Variants in DLEU7 observed in about 807,000 individuals in gnomAD.
DLEU7 encodes the protein deleted in lymphocytic leukemia 7, also known as leukemia-associated protein 7.
Under a neutral mutation model 16.0 loss-of-function variants are expected in DLEU7, and 17 were observed. That is an observed-to-expected ratio of 1.06 (90% confidence interval 0.73 to 1.59). DLEU7 has a LOEUF of 1.59. Ranked by LOEUF, DLEU7 falls within the 40% of genes most tolerant of loss-of-function variation. The pLI is 0.00. For missense variants in DLEU7, 308 were observed against 314.9 expected (o/e 0.98, Z 0.17); for synonymous variants, 113 against 139.8 (o/e 0.81, Z 1.35).
At chr13:50,713,921 T>C (rs1351099878) in intron 1 of DLEU7, among the ~76,000 whole-genome samples, 1 of 152,196 alleles carries the variant, frequency 6.6e-6, no homozygotes, top group Non-Finnish European at 1.5e-5. Flanking sequence ...TCTGCCCGCA[T>C]GTGGCCTCCC....
chr13:50,821,111 G>A (rs75206166), downstream of DLEU7, among the ~76,000 whole-genome samples: 1,788 of 152,162 alleles, frequency 0.012, 39 homozygotes, highest in African/African-American at 0.038. Context: ...TGGGAGCCAC[G>A]AGCTGAAGTG....
At chr13:50,716,737 T>C (rs1873449350) in intron 1 of DLEU7, among the ~76,000 whole-genome samples, 2 of 152,262 alleles carry the variant, frequency 1.3e-5, no homozygotes, top group Non-Finnish European at 2.9e-5. Flanking sequence ...GTAATCTGTA[T>C]ATGTAATAAG....
At position 50,809,122 on chromosome 13, in the gene DLEU7, A is replaced by G. The variant is rs562697212; in HGVS notation, c.459+34066T>C. Among the ~76,000 whole-genome samples, 38 of 152,310 alleles carry G rather than the reference A, an allele frequency of 2.5e-4. No homozygotes were observed. In the South Asian group the frequency reaches 7.7e-3, roughly 31 times the overall value. ...ATGATAATAGCAACTTGGTGGAGTTATCTAAAGTTTGACAACCTTTCCTCA... is the reference window on the plus strand; with the variant it reads ...ATGATAATAGCAACTTGGTGGAGTTGTCTAAAGTTTGACAACCTTTCCTCA... On this transcript the variant is annotated intron_variant, in intron 1 of 1. Transcript: ENST00000400393.
Position 50,753,653 on chromosome 13 carries a change from A to AC in DLEU7, c.460-40414dup, listed in dbSNP as rs141715298. Among the ~76,000 whole-genome samples the AC allele has an allele frequency of 7.9e-3, 1,200 of 152,114 alleles. 9 individuals are homozygous for AC. The highest frequency in any genetic ancestry group is 0.014 in the Non-Finnish European group (941 of 67,916). ...CCGGAACTCGCACTGGCCCGCAAGC[A>AC]CCGTGCGCAGCCCCAGTTCCCACTC... On this transcript the variant is annotated intron_variant, in intron 1 of 1. Transcript: ENST00000400393.
intron 1 of DLEU7, among the ~76,000 whole-genome samples, chr13:50,719,228 G>A (rs1459006367): frequency 6.6e-6 from 1 of 152,166 alleles, no homozygotes; most frequent in Admixed American, 6.5e-5. Flanking sequence ...TCTAGAAAGT[G>A]CCTATATAGT....
At chr13:50,770,712 G>A (rs111919388) in intron 1 of DLEU7, among the ~76,000 whole-genome samples, 1 of 152,264 alleles carries the variant, frequency 6.6e-6, no homozygotes, top group African/African-American at 2.4e-5. Context: ...ATGTTCATCA[G>A]GGATATTGGT....
intron 1 of DLEU7, among the ~76,000 whole-genome samples, chr13:50,716,960 A>G (rs1189991417): frequency 1.3e-5 from 2 of 152,196 alleles, no homozygotes; most frequent in African/African-American, 2.4e-5. Context: ...AATTAATACT[A>G]TATATACACA....
At chr13:50,819,800 A>T (rs1876842435), downstream of DLEU7, among the ~76,000 whole-genome samples, 1 of 152,148 alleles carries the variant, frequency 6.6e-6, no homozygotes, top group Non-Finnish European at 1.5e-5. Context: ...CCAAGTAGAG[A>T]TATTCTGTAG....
chr13:50,771,208 A>G (rs1219860535), intron 1 of DLEU7, among the ~76,000 whole-genome samples: 1 of 152,106 alleles, frequency 6.6e-6, no homozygotes, highest in Non-Finnish European at 1.5e-5. Context: ...TCTTTTCAAA[A>G]AACCAGCTCC....
intron 1 of DLEU7, among the ~76,000 whole-genome samples, chr13:50,758,025 A>ATTTTTTTTTTTTTTTTTTTTTTTTTT (rs5803530): frequency 1.1e-5 from 1 of 89,110 alleles, no homozygotes; most frequent in Non-Finnish European, 2.1e-5. Context: ...CATTACCAAG[A>ATTTTTTTTTTTTTTTTTTTTTTTTTT]TTTTTTTTTT....
intron 1 of DLEU7, among the ~76,000 whole-genome samples, chr13:50,797,052 G>C (rs1876127132): frequency 6.6e-6 from 1 of 152,162 alleles, no homozygotes; most frequent in Non-Finnish European, 1.5e-5. Context: ...ATGTATCACA[G>C]GTTTTGAAAC....
intron 1 of DLEU7, among the ~76,000 whole-genome samples, chr13:50,750,557 C>T (rs1874532397): frequency 6.6e-6 from 1 of 151,974 alleles, no homozygotes. Flanking sequence ...TTGATTCAAC[C>T]CATTCATGAG....
At chr13:50,782,786 A>C (rs1875693230) in intron 1 of DLEU7, among the ~76,000 whole-genome samples, 1 of 152,040 alleles carries the variant, frequency 6.6e-6, no homozygotes, top group Non-Finnish European at 1.5e-5. Context: ...AAAAAAAAAA[A>C]AAAACTCTTC....
At chr13:50,785,200 TG>T (rs967474181) in intron 1 of DLEU7, among the ~76,000 whole-genome samples, 1 of 152,110 alleles carries the variant, frequency 6.6e-6, no homozygotes, top group African/African-American at 2.4e-5. Context: ...AATGGGCACC[TG>T]GGGTTGGGAC....
intron 1 of DLEU7, among the ~76,000 whole-genome samples, chr13:50,728,151 G>A (rs754438412): frequency 2.6e-5 from 4 of 152,192 alleles, no homozygotes; most frequent in Non-Finnish European, 5.9e-5. Flanking sequence ...CCTCTCAGGA[G>A]ACAGGAAGAA....
chr13:50,734,151 T>C (rs1223339452), intron 1 of DLEU7, among the ~76,000 whole-genome samples: 1 of 152,236 alleles, frequency 6.6e-6, no homozygotes, highest in Non-Finnish European at 1.5e-5. Context: ...TTAGGAGTCC[T>C]GCTCTTCTAC....
At chr13:50,837,518 C>T (rs1453855962) in intron 1 of DLEU7, among the ~76,000 whole-genome samples, 1 of 152,172 alleles carries the variant, frequency 6.6e-6, no homozygotes, top group Non-Finnish European at 1.5e-5. Context: ...GAGAGAATAA[C>T]CGAAATTCTG....
intron 1 of DLEU7, among the ~76,000 whole-genome samples, chr13:50,746,963 AC>A (rs1186415671): frequency 6.6e-6 from 1 of 151,876 alleles, no homozygotes; most frequent in African/African-American, 2.4e-5. Flanking sequence ...GTACACACAC[AC>A]ACACACATGT....
In DLEU7 at chr13:50,843,211, G is replaced by T. The variant is rs115889608; in HGVS notation, c.436C>A (p.Arg146=). ...ACCTTCAGGTGAATGGGAAAGGACC[G>T]CTCCTGCTGGAGGGGCCCCAGCAGC... ...QTLLGPLQQE[R]SFPIHLKDSV... The change falls in exon 1 of 2, where the codon CGG becomes AGG. Residue 146 remains arginine (R), a synonymous_variant. Coordinates refer to ENST00000504404, the MANE Select transcript of DLEU7 (RefSeq NM_001306135.2). This position sits in a 1 kb window ranked among gnomAD's most constrained non-coding sequence, Gnocchi z 5.7. The T allele has an allele frequency of 1.9e-3, 3,035 of 1,593,058 alleles. 69 individuals carry two copies. The African/African-American group carries it at 0.037, about 19-fold the overall frequency.
Sources: allele counts gnomAD v4.1 joint callset (sites outside exome capture counted in the v4.1 genomes callset), GRCh38; gene constraint gnomAD v4.1.1; non-coding constraint Gnocchi (gnomAD v3.1); transcripts MANE v1.5; gene names NCBI Gene and HGNC (gene_info 2026-07-23, HGNC 2026-07-21).